TP63: variants seen among roughly 807,000 people sequenced by gnomAD.
TP63 encodes tumor protein 63.
TP63 carries 17 observed loss-of-function variants against 82.8 expected under a neutral mutation model. That is an observed-to-expected ratio of 0.21 (90% CI 0.14 to 0.31). TP63 has a LOEUF of 0.31. TP63 is among the 10% of genes least tolerant of loss of function. TP63 has a pLI of 1.00. For synonymous variants in TP63, 330 were observed against 321.7 expected (o/e 1.03, Z -0.28); for missense variants, 648 against 895.3 (o/e 0.72, Z 3.52).
At chr3:189,847,340 A>G (rs1165053223) in intron 4 of TP63, among the ~76,000 whole-genome samples, 1 of 152,240 alleles carries the variant, frequency 6.6e-6, no homozygotes, top group Non-Finnish European at 1.5e-5. Context: ...CCTGGGTGAC[A>G]GAGCGAAGCT....
chr3:189,799,182 A>C (rs1426179841), intron 3 of TP63, among the ~76,000 whole-genome samples: 3 of 152,110 alleles, frequency 2.0e-5, no homozygotes, highest in Non-Finnish European at 4.4e-5. Flanking sequence ...TATCATTTGC[A>C]AGAAAGGATT....
At chr3:189,866,938 A>AT (rs1486763341) in intron 6 of TP63, 141 bp downstream of exon 6, 27 of 753,574 alleles carry the variant, frequency 3.6e-5, no homozygotes, top group South Asian at 1.8e-4. Context: ...ATATTTTTGT[A>AT]TTTTTTTCTA....
chr3:189,869,792 G>A (rs1718199155), intron 9 of TP63, among the ~76,000 whole-genome samples: 1 of 151,612 alleles, frequency 6.6e-6, no homozygotes, highest in Admixed American at 6.6e-5. Flanking sequence ...CTTCCCAAAG[G>A]ACTCACCTTC....
chr3:189,624,712 T>C, the TP63 span, among the ~76,000 whole-genome samples: 4 of 152,312 alleles, frequency 2.6e-5, no homozygotes, highest in South Asian at 8.3e-4. Context: ...TGATTAAATA[T>C]TGATGATATT....
At chr3:189,621,984 G>A in the TP63 span, among the ~76,000 whole-genome samples, 7 of 152,206 alleles carry the variant, frequency 4.6e-5, no homozygotes, top group Non-Finnish European at 7.3e-5. Flanking sequence ...ACACAGAGAT[G>A]TTGCTGTAAA....
upstream of TP63, among the ~76,000 whole-genome samples, chr3:189,626,633 C>T (rs1420716421): frequency 6.6e-6 from 1 of 152,208 alleles, no homozygotes; most frequent in African/African-American, 2.4e-5. Context: ...AAACTCTCTG[C>T]TCAGTCATGG....
At chr3:189,869,847 G>A (rs1314737503) in intron 9 of TP63, among the ~76,000 whole-genome samples, 1 of 152,002 alleles carries the variant, frequency 6.6e-6, no homozygotes, top group African/African-American at 2.4e-5. Flanking sequence ...GTGAACTTTG[G>A]AAGGACAGAA....
chr3:189,615,585 T>C, the TP63 span, among the ~76,000 whole-genome samples: 1,914 of 152,312 alleles, frequency 0.013, 45 homozygotes, highest in African/African-American at 0.044. Flanking sequence ...TAATGTGTGA[T>C]ACAAAATGTT....
chr3:189,806,493 T>C (rs1726923704), intron 3 of TP63, among the ~76,000 whole-genome samples: 1 of 152,248 alleles, frequency 6.6e-6, no homozygotes, highest in Non-Finnish European at 1.5e-5. Context: ...TCCGAGGCTG[T>C]TGCCTCAGGC....
intron 3 of TP63, among the ~76,000 whole-genome samples, chr3:189,739,242 A>G (rs1007140159): frequency 2.6e-5 from 4 of 152,092 alleles, no homozygotes; most frequent in African/African-American, 9.7e-5. Context: ...CAGTCTCCCA[A>G]TTAGCTGGGA....
chr3:189,780,187 C>T (rs1209749216), intron 3 of TP63, among the ~76,000 whole-genome samples: 3 of 152,104 alleles, frequency 2.0e-5, no homozygotes, highest in Non-Finnish European at 2.9e-5. Flanking sequence ...TTTGAGTTTG[C>T]CTGTTGGAGA....
At chr3:189,715,341 C>T (rs754445400) in intron 1 of TP63, among the ~76,000 whole-genome samples, 1 of 152,092 alleles carries the variant, frequency 6.6e-6, no homozygotes, top group Non-Finnish European at 1.5e-5. Context: ...GAAATTACGG[C>T]ATTTGTTTTT....
chr3:189,692,278 G>A (rs985145415), intron 1 of TP63, among the ~76,000 whole-genome samples: 1 of 152,044 alleles, frequency 6.6e-6, no homozygotes, highest in Non-Finnish European at 1.5e-5. Flanking sequence ...GTTAGAATAT[G>A]TGCCTCTTGT....
chr3:189,770,500 G>A (rs974358710), intron 3 of TP63, among the ~76,000 whole-genome samples: 3 of 151,908 alleles, frequency 2.0e-5, no homozygotes, highest in Admixed American at 2.0e-4. Flanking sequence ...GGGAGACAGA[G>A]GTTGCAGTGA....
intron 1 of TP63, among the ~76,000 whole-genome samples, chr3:189,721,368 C>G (rs1350962290): frequency 6.6e-6 from 1 of 151,968 alleles, no homozygotes; most frequent in East Asian, 1.9e-4. Flanking sequence ...CAATAACCTT[C>G]TATTACACAT....
chr3:189,643,855 T>C (rs376879046), intron 1 of TP63, among the ~76,000 whole-genome samples: 52 of 152,294 alleles, frequency 3.4e-4, no homozygotes, highest in African/African-American at 1.2e-3. Context: ...TGTTTTGGGA[T>C]CATAGTTGAC....
intron 3 of TP63, among the ~76,000 whole-genome samples, chr3:189,806,950 CT>C (rs1336755517): frequency 6.6e-6 from 1 of 152,136 alleles, no homozygotes; most frequent in African/African-American, 2.4e-5. Flanking sequence ...GCTCCTATTT[CT>C]TTGTAAGTTT....
At chr3:189,682,553 A>AAAAAAT (rs1716055397) in intron 1 of TP63, among the ~76,000 whole-genome samples, 3 of 10,370 alleles carry the variant, frequency 2.9e-4, no homozygotes, top group African/African-American at 6.4e-4. Flanking sequence ...AAAAAAAAAA[A>AAAAAAT]ATATATATAT....
intron 4 of TP63, among the ~76,000 whole-genome samples, chr3:189,843,845 C>T (rs1360109745): frequency 3.3e-5 from 5 of 152,206 alleles, no homozygotes; most frequent in African/African-American, 1.2e-4. Context: ...AACTCAATGC[C>T]TCTTGGCTTT....
Sources: allele counts gnomAD v4.1 joint callset (sites outside exome capture counted in the v4.1 genomes callset), GRCh38; gene constraint gnomAD v4.1.1; transcripts MANE v1.5; gene names NCBI Gene and HGNC (gene_info 2026-07-23, HGNC 2026-07-21).